The following ATP10B variants were observed in gnomAD, a reference collection of about 807,000 sequenced individuals.
ATP10B encodes the protein phospholipid-transporting ATPase VB.
Under a neutral mutation model 141.2 loss-of-function variants are expected in ATP10B, and 122 were observed. That is an observed-to-expected ratio of 0.86 (90% CI 0.75 to 1.00). ATP10B has a LOEUF of 1.00. ATP10B is among the 50% of genes least tolerant of loss of function. ATP10B has a pLI of 0.00. For missense variants in ATP10B, 1,876 were observed against 1,825.3 expected, an observed-to-expected ratio of 1.03 and a Z score of -0.51; for synonymous variants, 685 against 692.0, an observed-to-expected ratio of 0.99 and a Z score of 0.16.
At chr5:160,782,997 C>G (rs1393461049) in intron 2 of ATP10B, among the ~76,000 whole-genome samples, 1 of 151,932 alleles carries the variant, frequency 6.6e-6, no homozygotes, top group Non-Finnish European at 1.5e-5. Flanking sequence ...AAGTTGTATG[C>G]CTCCTCCAGG....
intron 24 of ATP10B, among the ~76,000 whole-genome samples, chr5:160,581,031 TATTTG>T (rs1222844438): frequency 6.6e-6 from 1 of 152,182 alleles, no homozygotes; most frequent in African/African-American, 2.4e-5. Flanking sequence ...TTATTCTGTC[TATTTG>T]ATTTTTCTCT....
chr5:160,619,684 C>T (rs1581210816), intron 15 of ATP10B, among the ~76,000 whole-genome samples: 2 of 152,114 alleles, frequency 1.3e-5, no homozygotes, highest in African/African-American at 2.4e-5. Context: ...AATCAGGAAG[C>T]GGCTGCACAC....
intron 2 of ATP10B, among the ~76,000 whole-genome samples, chr5:160,742,581 G>A (rs1767552717): frequency 6.6e-6 from 1 of 152,154 alleles, no homozygotes; most frequent in African/African-American, 2.4e-5. Flanking sequence ...TGAGCAAATA[G>A]GTATTGTCAA....
At chr5:160,667,354 G>A (rs906771298) in intron 7 of ATP10B, among the ~76,000 whole-genome samples, 5 of 152,158 alleles carry the variant, frequency 3.3e-5, no homozygotes, top group Admixed American at 6.5e-5. Flanking sequence ...CCCCAGTTTC[G>A]TTTTGTATAA....
intron 9 of ATP10B, among the ~76,000 whole-genome samples, chr5:160,643,065 T>C (rs965314102): frequency 1.3e-5 from 2 of 152,208 alleles, no homozygotes; most frequent in African/African-American, 4.8e-5. Context: ...GTTTACCAGA[T>C]GGTGTTGAAC....
chr5:160,715,490 A>G (rs1765569858), intron 3 of ATP10B, among the ~76,000 whole-genome samples: 2 of 142,786 alleles, frequency 1.4e-5, no homozygotes, highest in Non-Finnish European at 3.1e-5. Context: ...CGGTGCGCAC[A>G]CACACTGGCC....
intron 6 of ATP10B, among the ~76,000 whole-genome samples, chr5:160,685,815 C>A (rs547487873): frequency 6.6e-6 from 1 of 152,186 alleles, no homozygotes; most frequent in African/African-American, 2.4e-5. Flanking sequence ...CCGGTGGTGT[C>A]CTGTGTATCG....
At chr5:160,681,099 T>A (rs906455876) in intron 6 of ATP10B, among the ~76,000 whole-genome samples, 1 of 152,188 alleles carries the variant, frequency 6.6e-6, no homozygotes, top group Non-Finnish European at 1.5e-5. Context: ...ACACTTGTAA[T>A]GACTTAAGCC....
At chr5:160,641,259 G>A (rs190181043) in intron 9 of ATP10B, among the ~76,000 whole-genome samples, 3 of 152,288 alleles carry the variant, frequency 2.0e-5, no homozygotes, top group Non-Finnish European at 4.4e-5. Flanking sequence ...AACTGTATAT[G>A]CAAAAGCCCT....
chr5:160,754,604 TGAA>T lies in ATP10B; in HGVS notation c.-331+30952_-331+30954del, dbSNP rs530390379. 5.4e-4 allele frequency among the ~76,000 whole-genome samples: 82 copies of T among 152,310 alleles called. 1 individual carries two copies. The highest frequency in any genetic ancestry group is 1.1e-3 in the Non-Finnish European group (73 of 68,032). On this transcript the variant is annotated intron_variant, in intron 2 of 25. Transcript: ENST00000327245. ...GTGTAACTCAATCCATACTTAATGA[TGAA>T]GATTACCCAAGACAAGGCCACCAAT...
chr5:160,653,648 T>TACA lies in ATP10B; in HGVS notation c.676-4393_676-4392insTGT, dbSNP rs1491151295. Among the ~76,000 whole-genome samples the TACA allele has an allele frequency of 1.6e-3, 128 of 79,368 alleles. 4 individuals are homozygous for TACA. Among genetic ancestry groups the TACA allele is most frequent in the Non-Finnish European group, 2.5e-3 (113 of 45,524 alleles). 52.1% of individuals were successfully genotyped at this position (79,368 alleles called of 152,430 possible). A position where few individuals can be genotyped will look rare whatever the true frequency, so the allele number is the denominator to read the frequency against. ...TATATATACATATATACATATATAT[T>TACA]ATATATACATATATACATATATATT... On this transcript the variant is annotated intron_variant, in intron 7 of 25. Transcript: ENST00000327245.
the ATP10B span, among the ~76,000 whole-genome samples, chr5:160,858,422 C>CT: frequency 2.0e-5 from 3 of 151,628 alleles, no homozygotes; most frequent in African/African-American, 7.3e-5. Flanking sequence ...CTTTGTCTAT[C>CT]TTTTTTTTAA....
intron 1 of ATP10B, among the ~76,000 whole-genome samples, chr5:160,847,859 C>G (rs1398456090): frequency 6.6e-6 from 1 of 152,120 alleles, no homozygotes; most frequent in Non-Finnish European, 1.5e-5. Flanking sequence ...AATCTATTTT[C>G]TAGTGTCGGT....
intron 3 of ATP10B, among the ~76,000 whole-genome samples, chr5:160,706,974 A>G (rs1281222628): frequency 6.7e-6 from 1 of 149,342 alleles, no homozygotes; most frequent in Non-Finnish European, 1.5e-5. Context: ...TATTTATGAC[A>G]GAGTCTCGCT....
At chr5:160,752,974 C>T (rs1422386447) in intron 2 of ATP10B, among the ~76,000 whole-genome samples, 1 of 152,160 alleles carries the variant, frequency 6.6e-6, no homozygotes, top group African/African-American at 2.4e-5. Context: ...TTAAGAATTA[C>T]ATTTGCATGC....
Position 160,634,542 on chromosome 5 carries a change from A to G in ATP10B, c.1193T>C (p.Leu398Ser). 1 of 1,614,186 alleles carries G rather than the reference A, an allele frequency of 6.2e-7. No individual in the cohort carries two copies. The highest frequency in any genetic ancestry group is 8.5e-7 in the Non-Finnish European group (1 of 1,180,022). Residue 398 changes from leucine to serine, a missense_variant, in exon 12 of 26, where the codon TTG becomes TCG. Leu to Ser is a moderately radical substitution (Grantham distance 145, BLOSUM62 -2). Transcript: ENST00000327245. The stretch of plus-strand genomic sequence containing the variant: ...ATCATACAGGTCAAGGTCATTGCTC[A>G]AGAAGAACACTTGCCCGAGCTTCAC... Reference protein sequence around the residue: ...ELVKLGQVFFLSNDLDLYDEE... With the variant: ...ELVKLGQVFFSSNDLDLYDEE...
intron 1 of ATP10B, among the ~76,000 whole-genome samples, chr5:160,812,054 GA>G (rs1327592524): frequency 8.0e-5 from 12 of 150,164 alleles, no homozygotes; most frequent in African/African-American, 2.3e-4. Context: ...GAGAGAGAGA[GA>G]GAGAGGGAGA....
intron 2 of ATP10B, among the ~76,000 whole-genome samples, chr5:160,755,855 A>ATG (rs1469281183): frequency 8.5e-5 from 9 of 105,296 alleles, no homozygotes; most frequent in Non-Finnish European, 1.3e-4. Flanking sequence ...ATATATATAT[A>ATG]TATATATATA....
At chr5:160,924,519 C>A in the ATP10B span, among the ~76,000 whole-genome samples, 2 of 152,112 alleles carry the variant, frequency 1.3e-5, no homozygotes, top group Admixed American at 6.5e-5. Context: ...GAGAGCCTTG[C>A]GTGTTTGGTG....
Sources: gnomAD v4.1 joint callset for allele counts (sites outside exome capture counted in the v4.1 genomes callset) on GRCh38, gnomAD v4.1.1 for gene constraint, MANE v1.5 for transcripts, NCBI Gene and HGNC (gene_info 2026-07-23, HGNC 2026-07-21) for gene names.